The following RCAN2 variants were observed in gnomAD, a reference collection of about 807,000 sequenced individuals.
RCAN2 encodes the protein regulator of calcineurin 2.
Under a neutral mutation model 23.6 loss-of-function variants are expected in RCAN2, and 9 were observed. The observed-to-expected ratio is 0.38, with a 90% CI of 0.23 to 0.67. The LOEUF is 0.67. RCAN2 is among the 30% of genes least tolerant of loss of function. The pLI, the probability that RCAN2 is intolerant of heterozygous loss-of-function variation, is 0.51. For synonymous variants in RCAN2, 109 were observed against 115.7 expected (o/e 0.94, Z 0.37); for missense variants, 273 against 302.3 (o/e 0.90, Z 0.72).
In RCAN2 at chr6:46,410,660, G is replaced by T. The variant is rs1289104650; in HGVS notation, c.225+46092C>A. On this transcript the variant is annotated intron_variant, in intron 2 of 4. Coordinates refer to ENST00000371374, the MANE Select transcript of RCAN2 (RefSeq NM_001251974.2). Reference sequence around the variant, plus strand: ...TTTACAGAATGTCTATTCTAGGCGAGGTTCCAGATTAGAAACTGGCCCATA... The same window carrying T: ...TTTACAGAATGTCTATTCTAGGCGATGTTCCAGATTAGAAACTGGCCCATA... Among the ~76,000 whole-genome samples, 3 of 152,222 alleles carry T rather than the reference G, an allele frequency of 2.0e-5. No individual in the cohort carries two copies. The East Asian group carries it at 5.8e-4, about 29-fold the overall frequency.
chr6:46,474,160 C>G (rs1768645632), intron 1 of RCAN2, among the ~76,000 whole-genome samples: 1 of 148,602 alleles, frequency 6.7e-6, no homozygotes, highest in Non-Finnish European at 1.5e-5. Flanking sequence ...CAGGAACAGG[C>G]AGAATTGGTG....
chr6:46,348,707 G>A (rs898806503), intron 2 of RCAN2, among the ~76,000 whole-genome samples: 1 of 152,136 alleles, frequency 6.6e-6, no homozygotes, highest in Non-Finnish European at 1.5e-5. Context: ...AGGAAAGAAT[G>A]GTACCTCGGC....
intron 2 of RCAN2, among the ~76,000 whole-genome samples, chr6:46,270,062 G>A (rs577214964): frequency 1.8e-4 from 28 of 152,302 alleles, no homozygotes; most frequent in African/African-American, 6.3e-4. Flanking sequence ...CTGCGGGCCT[G>A]CTTGAGGATC....
rs578015275 is a variant in RCAN2 at position 46,276,362 on chromosome 6, G to A, written c.226-27466C>T. Among the ~76,000 whole-genome samples, 13 of 152,228 alleles carry A rather than the reference G, an allele frequency of 8.5e-5. No homozygotes were observed. In the East Asian group the frequency reaches 9.7e-4, roughly 11 times the overall value. ...CCCATCATAGAGTATACTTTGCCACGACACAAGCTCTGAGGAGAGACAAGC... is the reference window on the plus strand; with the variant it reads ...CCCATCATAGAGTATACTTTGCCACAACACAAGCTCTGAGGAGAGACAAGC... On this transcript the variant is annotated intron_variant, in intron 2 of 4. Transcript: ENST00000371374.
intron 2 of RCAN2, among the ~76,000 whole-genome samples, chr6:46,262,540 G>C (rs1767145021): frequency 6.6e-6 from 1 of 151,798 alleles, no homozygotes; most frequent in Non-Finnish European, 1.5e-5. Flanking sequence ...AGGATTGCTT[G>C]AGTTCAGGAG....
intron 2 of RCAN2, among the ~76,000 whole-genome samples, chr6:46,321,074 C>G (rs1763599722): frequency 6.6e-6 from 1 of 152,108 alleles, no homozygotes; most frequent in Non-Finnish European, 1.5e-5. Context: ...ATGATTTTCT[C>G]TCAGCTCTGT....
In RCAN2 at chr6:46,333,381, C is replaced by G. The variant is rs772936121; in HGVS notation, c.226-84485G>C. ...GAAATAGGCCTTTTCCTTTTTACAC[C>G]TGTATAGTATTCAACTATTTGGATT... On this transcript the variant is annotated intron_variant, in intron 2 of 4. Coordinates refer to ENST00000371374, the MANE Select transcript of RCAN2 (RefSeq NM_001251974.2). Among the ~76,000 whole-genome samples, 7 of 152,190 alleles carry G rather than the reference C, an allele frequency of 4.6e-5. No homozygotes were observed. In the South Asian group the frequency reaches 1.5e-3, roughly 32 times the overall value.
chr6:46,328,542 T>C (rs979015870), intron 2 of RCAN2, among the ~76,000 whole-genome samples: 2 of 152,220 alleles, frequency 1.3e-5, no homozygotes, highest in Non-Finnish European at 1.5e-5. Flanking sequence ...AATATGGTCA[T>C]TTTCCTATTG....
At chr6:46,291,488 C>T (rs1561845269) in intron 2 of RCAN2, among the ~76,000 whole-genome samples, 1 of 151,824 alleles carries the variant, frequency 6.6e-6, no homozygotes, top group Non-Finnish European at 1.5e-5. Flanking sequence ...GGTGACTTCA[C>T]CCTCAGGGAT....
rs115010396 is a variant in RCAN2 at position 46,297,072 on chromosome 6, C to T, written c.226-48176G>A. On this transcript the variant is annotated intron_variant, in intron 2 of 4. Coordinates refer to ENST00000371374, the MANE Select transcript of RCAN2 (RefSeq NM_001251974.2). ...CACTTCTGAACTCCGCTTCAGAGAACTTTATGATAAAGGCTCCGTACTACT... is the reference window on the plus strand; with the variant it reads ...CACTTCTGAACTCCGCTTCAGAGAATTTTATGATAAAGGCTCCGTACTACT... 3.2e-3 allele frequency among the ~76,000 whole-genome samples: 480 copies of T among 152,240 alleles called. 4 individuals are homozygous for T. The highest frequency in any genetic ancestry group is 0.01 in the African/African-American group (420 of 41,560).
At chr6:46,336,490 A>G (rs1451821115) in intron 2 of RCAN2, among the ~76,000 whole-genome samples, 1 of 152,230 alleles carries the variant, frequency 6.6e-6, no homozygotes, top group Non-Finnish European at 1.5e-5. Flanking sequence ...TGGATGCTGG[A>G]TAGAGCTAAG....
chr6:46,347,141 C>G (rs1298972880), intron 2 of RCAN2, among the ~76,000 whole-genome samples: 3 of 152,216 alleles, frequency 2.0e-5, no homozygotes, highest in Admixed American at 1.3e-4. Flanking sequence ...TCCCAAAGTG[C>G]TGGGATTACA....
chr6:46,491,556 C>G (rs1769154647), upstream of RCAN2, among the ~76,000 whole-genome samples: 1 of 152,072 alleles, frequency 6.6e-6, no homozygotes, highest in African/African-American at 2.4e-5. Context: ...AAACCGAAAG[C>G]CCCTGTCTGG....
At chr6:46,401,034 T>C (rs953732619) in intron 2 of RCAN2, among the ~76,000 whole-genome samples, 6 of 152,152 alleles carry the variant, frequency 3.9e-5, no homozygotes, top group Non-Finnish European at 7.3e-5. Flanking sequence ...TTATACACAT[T>C]AAATTCTAAG....
chr6:46,290,020 C>T (rs796478904), intron 2 of RCAN2, among the ~76,000 whole-genome samples: 5 of 152,098 alleles, frequency 3.3e-5, no homozygotes, highest in African/African-American at 9.7e-5. Flanking sequence ...AACTTGGACC[C>T]GCAAGTGGGA....
At chr6:46,302,414 G>A (rs1318025693) in intron 2 of RCAN2, among the ~76,000 whole-genome samples, 1 of 152,088 alleles carries the variant, frequency 6.6e-6, no homozygotes, top group Admixed American at 6.6e-5. Context: ...GAGAGGATCT[G>A]CAGACTCTGC....
At chr6:46,386,209 G>A (rs1371349508) in intron 2 of RCAN2, among the ~76,000 whole-genome samples, 1 of 152,028 alleles carries the variant, frequency 6.6e-6, no homozygotes, top group East Asian at 1.9e-4. Context: ...AGTGGACAAA[G>A]GATATGAACA....
intron 2 of RCAN2, among the ~76,000 whole-genome samples, chr6:46,398,380 T>A (rs949494855): frequency 2.0e-5 from 3 of 152,152 alleles, no homozygotes; most frequent in Non-Finnish European, 2.9e-5. Context: ...CAAACTCTGG[T>A]GAGTGAGCCC....
chr6:46,391,753 T>A (rs1161271916), intron 2 of RCAN2, among the ~76,000 whole-genome samples: 1 of 152,136 alleles, frequency 6.6e-6, no homozygotes, highest in African/African-American at 2.4e-5. Flanking sequence ...TACTATTGAT[T>A]AGTAGAAGAT....
Sources: gnomAD v4.1 joint callset for allele counts (sites outside exome capture counted in the v4.1 genomes callset) on GRCh38, gnomAD v4.1.1 for gene constraint, MANE v1.5 for transcripts, NCBI Gene and HGNC (gene_info 2026-07-23, HGNC 2026-07-21) for gene names.